KLHL38: variants seen among roughly 807,000 people sequenced by gnomAD.
KLHL38 encodes the protein kelch-like protein 38.
In KLHL38, 38 loss-of-function variants were observed where a neutral mutation model predicts 39.6. The observed-to-expected ratio is 0.96, with a 90% confidence interval of 0.74 to 1.26. KLHL38 has a LOEUF of 1.26. KLHL38 is among the 50% of genes most tolerant of loss of function. KLHL38 has a pLI of 0.00. For synonymous variants in KLHL38, 322 were observed against 302.2 expected (o/e 1.07, Z -0.68); for missense variants, 803 against 748.1 (o/e 1.07, Z -0.86).
chr8:123,649,669 C>T (rs992486761), intron 2 of KLHL38, among the ~76,000 whole-genome samples: 2 of 152,168 alleles, frequency 1.3e-5, no homozygotes, highest in Non-Finnish European at 2.9e-5. Flanking sequence ...AGGCCAACCT[C>T]ATCTCCACAG....
chr8:123,651,771 AG>A lies in KLHL38; in HGVS notation c.1155del (p.Phe386SerfsTer43), dbSNP rs767063263. The A allele has an allele frequency of 1.2e-5, 19 of 1,614,156 alleles. No individual in the cohort carries two copies. In the South Asian group the frequency reaches 1.9e-4, roughly 16 times the overall value. On this transcript the variant is annotated frameshift_variant, in exon 2 of 4. Transcript: ENST00000684634. LOFTEE classifies it high-confidence loss of function. ...SHRSTAHKNF[I>X]FSIGGIGEGQ... is the part of the protein sequence containing the mutation. ...CCTTCTCCAATCCCCCCGATGGAGA[AG>A]ATGAAGTTCTTATGGGCAGTGCTTC...
rs954201063 is a variant in KLHL38, at chr8:123,651,373, T to C, written c.1350+204A>G. ...ATGTGTGCATATGTGTATGCATGTA[T>C]GCATGAATATACATTTCTGCATATA... On this transcript the variant is annotated intron_variant, in intron 2 of 3. Transcript: ENST00000684634. Among the ~76,000 whole-genome samples, 46 of 152,260 alleles carry C rather than the reference T, an allele frequency of 3.0e-4. 2 individuals are homozygous for C.
intron 3 of KLHL38, 88 bp downstream of exon 3, chr8:123,646,821 G>T: frequency 1.2e-6 from 1 of 814,214 alleles, no homozygotes; most frequent in Non-Finnish European, 2.0e-6. Context: ...AGACAGTCTT[G>T]TAGAATAACA....
rs1247230944 is a variant in KLHL38 at position 123,653,624 on chromosome 8, G to T, written c.-40C>A. ...GGTGACATCCACTGGTGCCTGGTCT[G>T]ACTTATCCCCCCGGAGAGTTTCTAC... is the stretch of plus-strand genomic sequence containing the variant. On this transcript the variant is annotated 5_prime_UTR_variant, in exon 1 of 4. Transcript: ENST00000684634. 6.6e-6 allele frequency among the ~76,000 whole-genome samples: 1 copy of T among 152,196 alleles called. No individual in the cohort carries two copies. The highest frequency in any genetic ancestry group is 1.5e-5 in the Non-Finnish European group (1 of 68,028).
chr8:123,645,691 C>T lies in KLHL38; in HGVS notation c.*48G>A, dbSNP rs959199356. ...GCCCTTTGGAGCTGGGTTTGTGTCC[C>T]TGGCGACAGAAGGCATTTTGACTAG... is the stretch of plus-strand genomic sequence containing the variant. On this transcript the variant is annotated 3_prime_UTR_variant, in exon 4 of 4. Coordinates refer to ENST00000684634, the MANE Select transcript of KLHL38 (RefSeq NM_001081675.3). The T allele has an allele frequency of 4.4e-6, 7 of 1,596,168 alleles. No individual in the cohort carries two copies. Among genetic ancestry groups the T allele is most frequent in the Middle Eastern group, 1.9e-4 (1 of 5,212 alleles).
At chr8:123,646,393 C>T (rs1818666034) in intron 3 of KLHL38, among the ~76,000 whole-genome samples, 1 of 152,224 alleles carries the variant, frequency 6.6e-6, no homozygotes, top group Non-Finnish European at 1.5e-5. Flanking sequence ...CCACACCAGT[C>T]CTATCTGGTA....
In KLHL38 at chr8:123,651,817, C is replaced by A. The variant is rs1274696026; in HGVS notation, c.1110G>T (p.Leu370=). The part of the protein sequence containing the change: ...LNQWRLGEPM[L]VARYSHRSTA... ...TGCTTCTGTGGGAGTAGCGGGCCAC[C>A]AGCATGGGCTCCCCCAGCCTCCACT... Residue 370 remains leucine, a synonymous_variant, in exon 2 of 4, where the codon CTG becomes CTT. Transcript: ENST00000684634. The A allele has an allele frequency of 6.2e-7, 1 of 1,614,194 alleles. No individual in the cohort carries two copies. The highest frequency in any genetic ancestry group is 8.5e-7 in the Non-Finnish European group (1 of 1,180,042).
At chr8:123,647,709 C>G (rs1818686198) in intron 2 of KLHL38, among the ~76,000 whole-genome samples, 2 of 152,128 alleles carry the variant, frequency 1.3e-5, no homozygotes, top group African/African-American at 4.8e-5. Flanking sequence ...TTCATATAAG[C>G]AAAGAAGGAA....
rs61732636 is a variant in KLHL38 at position 123,651,825 on chromosome 8, G to C, written c.1102C>G (p.Pro368Ala). 8 of 1,614,154 alleles carry C rather than the reference G, an allele frequency of 5.0e-6. No individual in the cohort carries two copies. In the African/African-American group the frequency reaches 9.3e-5, roughly 19 times the overall value. Residue 368 changes from proline to alanine, a missense_variant, in exon 2 of 4, where the codon CCC (proline) becomes GCC (alanine). Physicochemically the swap from Pro to Ala is conservative, Grantham distance 27. Coordinates refer to ENST00000684634, the MANE Select transcript of KLHL38 (RefSeq NM_001081675.3). ...TGGGAGTAGCGGGCCACCAGCATGG[G>C]CTCCCCCAGCCTCCACTGATTGAGT... ...LKLNQWRLGEPMLVARYSHRS... is the reference protein window; with the variant it reads ...LKLNQWRLGEAMLVARYSHRS...
chr8:123,651,452 A>G (rs546523543), intron 2 of KLHL38, 125 bp downstream of exon 2: 1 of 977,350 alleles, frequency 1.0e-6, no homozygotes, highest in South Asian at 1.6e-5. Context: ...GCATATATAT[A>G]TTTATGTGCA....
chr8:123,651,493 T>G (rs1335145594), intron 2 of KLHL38, 84 bp downstream of exon 2: 5 of 1,402,378 alleles, frequency 3.6e-6, no homozygotes, highest in Non-Finnish European at 4.8e-6. Context: ...TATGTATACA[T>G]GTGCATGTGT....
intron 2 of KLHL38, 115 bp downstream of exon 2, chr8:123,651,462 A>C (rs149155036): frequency 3.8e-6 from 4 of 1,058,764 alleles, no homozygotes; most frequent in African/African-American, 1.6e-5. Context: ...ATTTATGTGC[A>C]TATATGTGTT....
In KLHL38 at chr8:123,645,230, G is replaced by A. The variant is rs1212732445; in HGVS notation, c.*509C>T. 6.6e-6 allele frequency among the ~76,000 whole-genome samples: 1 copy of A among 152,132 alleles called. No individual in the cohort carries two copies. Among genetic ancestry groups the A allele is most frequent in the East Asian group, 1.9e-4 (1 of 5,190 alleles). ...AGGCCGGTGGATCACTTGAGACCAG[G>A]AGTTCGTGACCAGCCTGGCCAACAT... On this transcript the variant is annotated 3_prime_UTR_variant, in exon 4 of 4. Transcript: ENST00000684634.
chr8:123,652,093 T>C lies in KLHL38; in HGVS notation c.834A>G (p.Pro278=). The change falls in exon 2 of 4, where the codon CCA becomes CCG. Residue 278 remains proline, a synonymous_variant. Transcript: ENST00000684634. ...PDCKLLLHVP[P]RNSYQDFLIL... ...TGAGGAAATCTTGGTAAGAGTTTCT[T>C]GGAGGGACATGCAACAGGAGTTTGC... The C allele has an allele frequency of 6.2e-7, 1 of 1,614,164 alleles. No individual in the cohort carries two copies.
In KLHL38 at chr8:123,652,595, G is replaced by T. The variant is rs1471998897; in HGVS notation, c.332C>A (p.Ala111Asp). 1 of 1,614,222 alleles carries T rather than the reference G, an allele frequency of 6.2e-7. No homozygotes were observed. Among genetic ancestry groups the T allele is most frequent in the Non-Finnish European group, 8.5e-7 (1 of 1,180,032 alleles). Residue 111 changes from alanine to aspartate, a missense_variant, in exon 2 of 4, where the codon GCC becomes GAC. Coordinates refer to ENST00000684634, the MANE Select transcript of KLHL38 (RefSeq NM_001081675.3). Reference protein sequence around the residue: ...TDNVLPVMEAASMLQFPKLFE... With the variant: ...TDNVLPVMEADSMLQFPKLFE... ...CAGCTTGGGGAACTGTAGCATGGAG[G>T]CGGCCTCCATCACGGGGAGGACATT... is the stretch of plus-strand genomic sequence containing the variant.
In KLHL38 at chr8:123,652,263, C is replaced by T; in HGVS notation, c.664G>A (p.Val222Ile). ...KRYMQELFKQVRLQYIHPAFF... is the reference protein window; with the variant it reads ...KRYMQELFKQIRLQYIHPAFF... ...GCTGGGTGGATGTACTGCAGCCTGA[C>T]CTGCTTGAACAGTTCCTGCATGTAT... The change falls in exon 2 of 4, where the codon GTC (valine) becomes ATC (isoleucine). Residue 222 changes from valine (V) to isoleucine (I), a missense_variant. Coordinates refer to ENST00000684634, the MANE Select transcript of KLHL38 (RefSeq NM_001081675.3). 1 of 1,614,108 alleles carries T rather than the reference C, an allele frequency of 6.2e-7. No homozygotes were observed. Among genetic ancestry groups the T allele is most frequent in the Non-Finnish European group, 8.5e-7 (1 of 1,180,026 alleles).
intron 2 of KLHL38, among the ~76,000 whole-genome samples, chr8:123,649,822 C>T (rs967456939): frequency 6.6e-6 from 1 of 152,180 alleles, no homozygotes; most frequent in African/African-American, 2.4e-5. Context: ...CTAGCCACCC[C>T]TCTGCACACT....
rs763692107 is a variant in KLHL38 at position 123,645,477 on chromosome 8, G to GAGAGAGAGACAGAC, written c.*261_*262insGTCTGTCTCTCTCT. 1 of 462,948 alleles carries GAGAGAGAGACAGAC rather than the reference G, an allele frequency of 2.2e-6. No individual in the cohort carries two copies. The highest frequency in any genetic ancestry group is 2.3e-5 in the African/African-American group (1 of 42,798). The allele number at this position is 462,948 out of a possible 1,614,324, so 28.7% of individuals were successfully genotyped here. A position where few individuals can be genotyped will look rare whatever the true frequency, so the allele number is the denominator to read the frequency against. ...AGAGAGAGAGAGAGAGAGAGAGAGA[G>GAGAGAGAGACAGAC]AGACAGACAGAGATAGGGGAGAGAA... On this transcript the variant is annotated 3_prime_UTR_variant, in exon 4 of 4. Coordinates refer to ENST00000684634, the MANE Select transcript of KLHL38 (RefSeq NM_001081675.3).
In KLHL38 at chr8:123,651,795, T is replaced by C. The variant is rs776093519; in HGVS notation, c.1132A>G (p.Ser378Gly). The change falls in exon 2 of 4, where the codon AGC becomes GGC. Residue 378 changes from serine (S) to glycine (G), a missense_variant. Ser to Gly is a moderately conservative substitution (Grantham distance 56). Transcript: ENST00000684634. ...AAGATGAAGTTCTTATGGGCAGTGCTTCTGTGGGAGTAGCGGGCCACCAGC... is the reference window on the plus strand; with the variant it reads ...AAGATGAAGTTCTTATGGGCAGTGCCTCTGTGGGAGTAGCGGGCCACCAGC... ...PMLVARYSHR[S>G]TAHKNFIFSI... The C allele has an allele frequency of 6.2e-7, 1 of 1,614,204 alleles. No homozygotes were observed. The highest frequency in any genetic ancestry group is 1.7e-5 in the Admixed American group (1 of 60,030).
Sources: allele counts gnomAD v4.1 joint callset (sites outside exome capture counted in the v4.1 genomes callset), GRCh38; gene constraint gnomAD v4.1.1; transcripts MANE v1.5; gene names NCBI Gene and HGNC (gene_info 2026-07-23, HGNC 2026-07-21).